The following TNRC6A variants were observed in gnomAD, a reference collection of about 807,000 sequenced individuals.
TNRC6A encodes the protein trinucleotide repeat-containing gene 6A protein.
TNRC6A carries 44 observed loss-of-function variants against 221.2 expected under a neutral mutation model. The ratio of observed to expected loss-of-function variants is 0.20; its 90% CI spans 0.16 to 0.26. TNRC6A has a LOEUF of 0.26. TNRC6A is among the 10% of genes least tolerant of loss of function. The probability of loss-of-function intolerance (pLI) is 1.00; values close to 1 mark genes in which losing one functional copy is unlikely to be tolerated. For missense variants in TNRC6A, 2,199 were observed against 2,404.4 expected, an observed-to-expected ratio of 0.91 and a Z score of 1.79; for synonymous variants, 847 against 838.5, an observed-to-expected ratio of 1.01 and a Z score of -0.18.
chr16:24,691,655 C>T (rs1359260397), intron 2 of TNRC6A, among the ~76,000 whole-genome samples: 1 of 152,052 alleles, frequency 6.6e-6, no homozygotes, highest in Non-Finnish European at 1.5e-5. Context: ...GTAGTCCCAG[C>T]TGCTCAGGAG....
rs1358160109 is a variant in TNRC6A at position 24,824,448 on chromosome 16, CTG to C, written c.*644_*645del. ...GAATTTCGCTCTGCAGTTTGAAAAACTGTGGCCACAGCTGTGACTTGCAGCCC... is the reference window on the plus strand; with the variant it reads ...GAATTTCGCTCTGCAGTTTGAAAAACTGGCCACAGCTGTGACTTGCAGCCC... On this transcript the variant is annotated 3_prime_UTR_variant, in exon 25 of 25. Coordinates refer to ENST00000395799, the MANE Select transcript of TNRC6A (RefSeq NM_014494.4). The C allele has an allele frequency of 6.6e-6, 1 of 152,594 alleles. No individual in the cohort carries two copies. Among genetic ancestry groups the C allele is most frequent in the African/African-American group, 2.4e-5 (1 of 41,422 alleles). 9.5% of individuals were successfully genotyped at this position (152,594 alleles called of 1,614,324 possible).
At chr16:24,801,726 C>T (rs1596766615) in intron 11 of TNRC6A, among the ~76,000 whole-genome samples, 1 of 152,066 alleles carries the variant, frequency 6.6e-6, no homozygotes, top group Non-Finnish European at 1.5e-5. Flanking sequence ...CTGCCTGCCT[C>T]GGCCTCCCAA....
At position 24,790,389 on chromosome 16, in the gene TNRC6A, A is replaced by T. The variant is rs1000877373; in HGVS notation, c.1747A>T (p.Ser583Cys). The T allele has an allele frequency of 6.2e-7, 1 of 1,614,226 alleles. No individual in the cohort carries two copies. The highest frequency in any genetic ancestry group is 8.5e-7 in the Non-Finnish European group (1 of 1,180,046). ...GGAATCTGGTGCAGCAAACTCCCAGAGTACATCATGGGGAAGTGGAAATGG... is the reference window on the plus strand; with the variant it reads ...GGAATCTGGTGCAGCAAACTCCCAGTGTACATCATGGGGAAGTGGAAATGG... Reference protein sequence around the residue: ...VWESGAANSQSTSWGSGNGAN... With the variant: ...VWESGAANSQCTSWGSGNGAN... The change falls in exon 6 of 25, where the codon AGT (serine) becomes TGT (cysteine). Residue 583 changes from serine to cysteine, a missense_variant. By Grantham distance (112) the Ser-to-Cys change is moderately radical. Transcript: ENST00000395799.
At chr16:24,699,496 T>C (rs1246707017) in intron 2 of TNRC6A, among the ~76,000 whole-genome samples, 6 of 152,032 alleles carry the variant, frequency 3.9e-5, no homozygotes. Context: ...GGCGGGAGAA[T>C]TGCTTGAGGC....
At chr16:24,725,268 C>A (rs2056472764), upstream of TNRC6A, among the ~76,000 whole-genome samples, 1 of 152,012 alleles carries the variant, frequency 6.6e-6, no homozygotes, top group Non-Finnish European at 1.5e-5. Context: ...CCTGCCCCAG[C>A]CTCAAGCGAT....
chr16:24,662,966 C>G (rs1238494457), intron 2 of TNRC6A: 1 of 153,680 alleles, frequency 6.5e-6, no homozygotes, highest in African/African-American at 2.4e-5. Flanking sequence ...AGCATCACCT[C>G]CATGAAGAGC....
At position 24,713,417 on chromosome 16, in the gene TNRC6A, AAAACAAAC is replaced by A. The variant is rs144445788; in HGVS notation, n.403-37281_403-37274del. Among the ~76,000 whole-genome samples, 548 of 138,322 alleles carry A rather than the reference AAAACAAAC, an allele frequency of 4.0e-3. 5 individuals are homozygous for A. In the East Asian group the frequency reaches 0.058, roughly 15 times the overall value. The allele number at this position is 138,322 out of a possible 152,430, so 90.7% of individuals were successfully genotyped here. A position where few individuals can be genotyped will look rare whatever the true frequency, so the allele number is the denominator to read the frequency against. ...TGGCTGACAGAGTAAAACTCTGTCTAAAACAAACAAACAAACAAACAAACAAACAAACA... is the reference window on the plus strand; with the variant it reads ...TGGCTGACAGAGTAAAACTCTGTCTAAAACAAACAAACAAACAAACAAACA... On this transcript the variant is annotated intron_variant and non_coding_transcript_variant, in intron 2 of 2. Coordinates refer to the TNRC6A transcript ENST00000566108.
At chr16:24,822,557 A>ACCTCCCT (rs1351787867) in intron 23 of TNRC6A, among the ~76,000 whole-genome samples, 1 of 151,952 alleles carries the variant, frequency 6.6e-6, no homozygotes, top group Non-Finnish European at 1.5e-5. Flanking sequence ...TTGAGCTCCC[A>ACCTCCCT]CCTCCCTCCT....
intron 18 of TNRC6A, 92 bp from the exon 19 acceptor site, chr16:24,815,055 A>G (rs2058627465): frequency 7.0e-7 from 1 of 1,429,258 alleles, no homozygotes; most frequent in Non-Finnish European, 9.6e-7. Context: ...CCACAGATCT[A>G]ATAGAAAGTG....
intron 1 of TNRC6A, among the ~76,000 whole-genome samples, chr16:24,630,049 A>G (rs886370273): frequency 6.6e-6 from 1 of 152,130 alleles, no homozygotes; most frequent in Non-Finnish European, 1.5e-5. Context: ...TTCATAACTT[A>G]TTCCTCCCTA....
intron 2 of TNRC6A, among the ~76,000 whole-genome samples, chr16:24,691,420 C>A (rs1168854397): frequency 6.6e-6 from 1 of 151,894 alleles, no homozygotes; most frequent in Non-Finnish European, 1.5e-5. Context: ...AGCTCATAGA[C>A]AACAATACAA....
intron 18 of TNRC6A, among the ~76,000 whole-genome samples, chr16:24,812,877 CTTTT>C (rs71383720): frequency 9.3e-5 from 7 of 75,010 alleles, no homozygotes; most frequent in Admixed American, 5.8e-4. Flanking sequence ...ACCTCTTGGG[CTTTT>C]TTTTTTTTTT....
chr16:24,729,687 G>GCGGCGGCGT lies in TNRC6A; in HGVS notation c.-147_-146insTCGGCGGCG, dbSNP rs1596558597. The GCGGCGGCGT allele has an allele frequency of 3.8e-6, 1 of 266,118 alleles. No individual in the cohort carries two copies. The highest frequency in any genetic ancestry group is 4.2e-5 in the African/African-American group (1 of 23,848). 16.5% of individuals were successfully genotyped at this position (266,118 alleles called of 1,614,324 possible). Reference sequence around the variant, plus strand: ...GGGGCCTGCGGCGGCGGCGGTGTCGGCGGCGGCGGCGGCGGCGGCGGCGGC... The same window carrying GCGGCGGCGT: ...GGGGCCTGCGGCGGCGGCGGTGTCGGCGGCGGCGTCGGCGGCGGCGGCGGCGGCGGCGGC... On this transcript the variant is annotated 5_prime_UTR_variant, in exon 1 of 25. Transcript: ENST00000395799.
intron 4 of TNRC6A, among the ~76,000 whole-genome samples, chr16:24,771,578 TATG>T (rs1567449325): frequency 1.6e-5 from 2 of 126,026 alleles, no homozygotes; most frequent in Non-Finnish European, 1.7e-5. Context: ...TATGTTATGT[TATG>T]TTGTTATGTT....
chr16:24,692,454 C>G (rs910711490), intron 2 of TNRC6A, among the ~76,000 whole-genome samples: 2 of 152,050 alleles, frequency 1.3e-5, no homozygotes, highest in Non-Finnish European at 2.9e-5. Flanking sequence ...CCTGTAGTCC[C>G]AGCTACTCAG....
At chr16:24,731,564 TC>T (rs2056642495) in intron 2 of TNRC6A, among the ~76,000 whole-genome samples, 1 of 152,156 alleles carries the variant, frequency 6.6e-6, no homozygotes, top group Admixed American at 6.5e-5. Context: ...TTTGTCAAAA[TC>T]TAGTAAGGAA....
chr16:24,702,943 G>A (rs1169274891), intron 2 of TNRC6A, among the ~76,000 whole-genome samples: 1 of 151,548 alleles, frequency 6.6e-6, no homozygotes, highest in Admixed American at 6.6e-5. Flanking sequence ...GCTGAGGCAG[G>A]AGAATGATGT....
intron 4 of TNRC6A, among the ~76,000 whole-genome samples, chr16:24,761,970 C>G (rs113245667): frequency 0.027 from 4,060 of 152,220 alleles, 75 homozygotes; most frequent in Non-Finnish European, 0.038. Flanking sequence ...TTGTCTCACT[C>G]CTTCATATCA....
At chr16:24,617,271 G>A (rs535264856) in intron 1 of TNRC6A, among the ~76,000 whole-genome samples, 1 of 152,092 alleles carries the variant, frequency 6.6e-6, no homozygotes, top group Non-Finnish European at 1.5e-5. Flanking sequence ...GACTACAGGT[G>A]TATGTCACCA....
Sources: gnomAD v4.1 joint callset for allele counts (sites outside exome capture counted in the v4.1 genomes callset) on GRCh38, gnomAD v4.1.1 for gene constraint, MANE v1.5 for transcripts, NCBI Gene and HGNC (gene_info 2026-07-23, HGNC 2026-07-21) for gene names.